MINDY3: variants seen among roughly 807,000 people sequenced by gnomAD.
The protein encoded by MINDY3 is ubiquitin carboxyl-terminal hydrolase MINDY-3.
Under a neutral mutation model 69.2 loss-of-function variants are expected in MINDY3, and 38 were observed. That is an observed-to-expected ratio of 0.55 (90% CI 0.42 to 0.72). The LOEUF (loss-of-function observed/expected upper bound fraction) is 0.72, where lower values mean the gene tolerates loss of function less well. Ranked by LOEUF, MINDY3 falls within the 30% of genes least tolerant of loss-of-function variation. The pLI, the probability that MINDY3 is intolerant of heterozygous loss-of-function variation, is 0.00. For missense variants in MINDY3, 522 were observed against 519.0 expected (o/e 1.01, Z -0.06); for synonymous variants, 192 against 180.1 (o/e 1.07, Z -0.53).
At chr10:15,805,653 T>C (rs750479715) in intron 10 of MINDY3, among the ~76,000 whole-genome samples, 9 of 152,146 alleles carry the variant, frequency 5.9e-5, no homozygotes, top group African/African-American at 1.4e-4. Flanking sequence ...CCTTGCCTCA[T>C]TGACATCAGA....
chr10:15,824,967 G>T (rs1839994340), intron 8 of MINDY3, among the ~76,000 whole-genome samples: 1 of 152,114 alleles, frequency 6.6e-6, no homozygotes, highest in South Asian at 2.1e-4. Context: ...AGTTTCAAGA[G>T]CATCACACTA....
At chr10:15,823,266 G>A (rs573281994) in intron 8 of MINDY3, among the ~76,000 whole-genome samples, 5 of 152,272 alleles carry the variant, frequency 3.3e-5, no homozygotes, top group Admixed American at 2.6e-4. Flanking sequence ...TTCTTCAATT[G>A]TGGTTTAGGA....
At chr10:15,796,263 T>G (rs983425545) in intron 10 of MINDY3, 91 bp from the exon 11 acceptor site, 15 of 980,056 alleles carry the variant, frequency 1.5e-5, no homozygotes, top group African/African-American at 1.5e-4. Flanking sequence ...ATAATGACAT[T>G]GGAGTCAGAA....
At chr10:15,787,010 T>G (rs1837022403) in intron 12 of MINDY3, among the ~76,000 whole-genome samples, 1 of 152,188 alleles carries the variant, frequency 6.6e-6, no homozygotes, top group South Asian at 2.1e-4. Context: ...GGCATTTAAC[T>G]AACAAAATGT....
chr10:15,782,212 T>C lies in MINDY3; in HGVS notation c.1131A>G (p.Pro377=), dbSNP rs1836597104. The C allele has an allele frequency of 6.2e-7, 1 of 1,606,228 alleles. No homozygotes were observed. The highest frequency in any genetic ancestry group is 8.5e-7 in the Non-Finnish European group (1 of 1,174,378). ...TGTAGTGGTAGACAGTAAAAGATTC[T>C]GGACCACTGGAGCCCTATTATAAAT... The part of the protein sequence containing the change: ...EFFPDQGSSG[P]ESFTVYHYNG... The change falls in exon 14 of 15, where the codon CCA becomes CCG. Residue 377 remains proline, a synonymous_variant. Coordinates refer to ENST00000277632, the MANE Select transcript of MINDY3 (RefSeq NM_024948.4).
At chr10:15,841,374 A>C in intron 4 of MINDY3, 52 bp downstream of exon 4, 1 of 1,428,370 alleles carries the variant, frequency 7.0e-7, no homozygotes, top group South Asian at 1.3e-5. Flanking sequence ...CAATAGATTC[A>C]TTAAAACAAA....
Position 15,782,223 on chromosome 10 carries a change from A to G in MINDY3, c.1120T>C (p.Ser374Pro). ...ACAGTAAAAGATTCTGGACCACTGG[A>G]GCCCTATTATAAATAAAGGACTATT... is the stretch of plus-strand genomic sequence containing the variant. ...FLQEFFPDQG[S>P]SGPESFTVYH... Residue 374 changes from serine to proline, a missense_variant, in exon 14 of 15, where the codon TCC becomes CCC. Transcript: ENST00000277632. The G allele has an allele frequency of 6.3e-7, 1 of 1,598,528 alleles. No homozygotes were observed. The highest frequency in any genetic ancestry group is 8.6e-7 in the Non-Finnish European group (1 of 1,168,790).
intron 8 of MINDY3, among the ~76,000 whole-genome samples, chr10:15,829,644 A>G (rs1840323923): frequency 6.6e-6 from 1 of 152,228 alleles, no homozygotes; most frequent in Non-Finnish European, 1.5e-5. Context: ...ATAACCTAAC[A>G]GGACGTGTAA....
intron 12 of MINDY3, among the ~76,000 whole-genome samples, chr10:15,788,639 T>C (rs1433034692): frequency 6.6e-6 from 1 of 152,114 alleles, no homozygotes; most frequent in Non-Finnish European, 1.5e-5. Context: ...AGTTATTTTT[T>C]CATGGATAAT....
At position 15,801,940 on chromosome 10, in the gene MINDY3, T is replaced by C. The variant is rs1355611336; in HGVS notation, c.883-5768A>G. ...AAGATGGCTTGATAGAGATGAGTGC[T>C]TCTGAACCAGTGCTGGACAATGAGG... On this transcript the variant is annotated intron_variant, in intron 10 of 14. Coordinates refer to ENST00000277632, the MANE Select transcript of MINDY3 (RefSeq NM_024948.4). 2.0e-5 allele frequency among the ~76,000 whole-genome samples: 3 copies of C among 151,972 alleles called. No homozygotes were observed. In the East Asian group the frequency reaches 5.8e-4, roughly 29 times the overall value.
chr10:15,778,963 A>C lies in MINDY3; in HGVS notation c.*29T>G. The C allele has an allele frequency of 6.3e-7, 1 of 1,597,048 alleles. No individual in the cohort carries two copies. The highest frequency in any genetic ancestry group is 2.3e-5 in the East Asian group (1 of 44,346). On this transcript the variant is annotated 3_prime_UTR_variant, in exon 15 of 15. Transcript: ENST00000277632. Reference sequence around the variant, plus strand: ...ACTCCTTCTTTCAACATCTGTTATTAAGATCTTCCTTATAAATACTTAGAC... The same window carrying C: ...ACTCCTTCTTTCAACATCTGTTATTCAGATCTTCCTTATAAATACTTAGAC...
intron 3 of MINDY3, among the ~76,000 whole-genome samples, 160 bp downstream of exon 3, chr10:15,843,052 T>C (rs1332283663): frequency 6.6e-6 from 1 of 151,908 alleles, no homozygotes. Flanking sequence ...AAGCCAAATT[T>C]GGAAATATGG....
Position 15,860,363 on chromosome 10 carries a change from C to A in MINDY3, c.-64G>T. The A allele has an allele frequency of 8.2e-7, 1 of 1,223,072 alleles. No homozygotes were observed. The highest frequency in any genetic ancestry group is 1.2e-6 in the Non-Finnish European group (1 of 848,450). 75.8% of individuals were successfully genotyped at this position (1,223,072 alleles called of 1,614,324 possible). ...CCTGCCCCGGAACATGGGGAAGGGGCAACTCCGGAAACAGCAGCTGCGGGA... is the reference window on the plus strand; with the variant it reads ...CCTGCCCCGGAACATGGGGAAGGGGAAACTCCGGAAACAGCAGCTGCGGGA... On this transcript the variant is annotated 5_prime_UTR_variant, in exon 1 of 15. Coordinates refer to ENST00000277632, the MANE Select transcript of MINDY3 (RefSeq NM_024948.4).
At chr10:15,843,929 C>A (rs188374850) in intron 2 of MINDY3, among the ~76,000 whole-genome samples, 6 of 152,222 alleles carry the variant, frequency 3.9e-5, no homozygotes, top group Admixed American at 2.6e-4. Flanking sequence ...ATTGCAGTTT[C>A]TTGGGCTCCA....
intron 4 of MINDY3, 133 bp downstream of exon 4, chr10:15,841,293 C>T: frequency 1.5e-6 from 1 of 672,084 alleles, no homozygotes; most frequent in South Asian, 2.2e-5. Flanking sequence ...TAGTGAGGCT[C>T]AGTAATTAAG....
At chr10:15,834,990 A>G (rs903328976) in intron 6 of MINDY3, among the ~76,000 whole-genome samples, 1 of 152,120 alleles carries the variant, frequency 6.6e-6, no homozygotes, top group Non-Finnish European at 1.5e-5. Context: ...TAGATCATGT[A>G]AAAACTTATT....
At chr10:15,783,669 G>A (rs1411553185) in intron 13 of MINDY3, among the ~76,000 whole-genome samples, 1 of 152,090 alleles carries the variant, frequency 6.6e-6, no homozygotes, top group Admixed American at 6.6e-5. Flanking sequence ...TTGAAAGACT[G>A]TTTAATTTTT....
chr10:15,849,408 C>A (rs1834108950), intron 1 of MINDY3, among the ~76,000 whole-genome samples: 1 of 150,234 alleles, frequency 6.7e-6, no homozygotes, highest in African/African-American at 2.4e-5. Flanking sequence ...ACTTAACCAG[C>A]AGAGATCTTT....
At chr10:15,846,966 A>G (rs542982612) in intron 2 of MINDY3, among the ~76,000 whole-genome samples, 40 of 152,178 alleles carry the variant, frequency 2.6e-4, no homozygotes, top group South Asian at 2.1e-3. Context: ...CATGTGATCC[A>G]CCCACCTTGG....
Sources: allele counts gnomAD v4.1 joint callset (sites outside exome capture counted in the v4.1 genomes callset), GRCh38; gene constraint gnomAD v4.1.1; transcripts MANE v1.5; gene names NCBI Gene and HGNC (gene_info 2026-07-23, HGNC 2026-07-21).